Variants in ZNF440 observed in about 807,000 individuals in gnomAD.
The protein encoded by ZNF440 is zinc finger protein 440.
Under a neutral mutation model 49.7 loss-of-function variants are expected in ZNF440, and 47 were observed. The ratio of observed to expected loss-of-function variants is 0.95; its 90% CI spans 0.75 to 1.21. The LOEUF (loss-of-function observed/expected upper bound fraction) is 1.21. Ranked by LOEUF, ZNF440 falls within the 50% of genes most tolerant of loss-of-function variation. The pLI is 0.00. For synonymous variants in ZNF440, 255 were observed against 237.7 expected, an observed-to-expected ratio of 1.07 and a Z score of -0.67; for missense variants, 703 against 715.0, an observed-to-expected ratio of 0.98 and a Z score of 0.19.
chr19:11,818,605 A>G (rs933619873), intron 1 of ZNF440, among the ~76,000 whole-genome samples: 4 of 152,144 alleles, frequency 2.6e-5, no homozygotes, highest in African/African-American at 9.7e-5. Context: ...AGGCTGGAGC[A>G]GTGGTGCGAT....
Position 11,832,162 on chromosome 19 carries a change from CA to C in ZNF440, c.987del (p.His330ThrfsTer2). 2 of 1,614,182 alleles carry C rather than the reference CA, an allele frequency of 1.2e-6. No individual in the cohort carries two copies. The highest frequency in any genetic ancestry group is 8.5e-7 in the Non-Finnish European group (1 of 1,180,028). On this transcript the variant is annotated frameshift_variant, in exon 4 of 4. Coordinates refer to ENST00000304060, the MANE Select transcript of ZNF440 (RefSeq NM_152357.3). LOFTEE classifies it high-confidence loss of function. ...TTATCCTCTCTTACAAGTTTTCAAA[CA>C]CACGTAAGATTGCACTCTGGAGAAA... Reference protein sequence around the residue: ...KALSSLTSFQTHVRLHSGERP... With the variant: ...KALSSLTSFQXHVRLHSGERP...
In ZNF440 at chr19:11,834,959, T is replaced by C. The variant is rs1160057468; in HGVS notation, c.*1995T>C. The C allele has an allele frequency of 6.6e-6, 1 of 152,092 alleles. No homozygotes were observed. The highest frequency in any genetic ancestry group is 1.5e-5 in the Non-Finnish European group (1 of 68,046). The allele number at this position is 152,092 out of a possible 1,614,324, so 9.4% of individuals were successfully genotyped here. A position where few individuals can be genotyped will look rare whatever the true frequency, so the allele number is the denominator to read the frequency against. The stretch of plus-strand genomic sequence containing the variant: ...ATCCTAGCTATTCAGGAGGCTGACA[T>C]AGGAGAATTGCTTGAATATAGGAAG... On this transcript the variant is annotated 3_prime_UTR_variant, in exon 4 of 4. Transcript: ENST00000304060.
intron 1 of ZNF440, among the ~76,000 whole-genome samples, chr19:11,819,863 C>T (rs1975777474): frequency 6.6e-6 from 1 of 152,094 alleles, no homozygotes; most frequent in Non-Finnish European, 1.5e-5. Flanking sequence ...TTAGGTAGGA[C>T]CTTAGAATAC....
In ZNF440 at chr19:11,834,118, A is replaced by C; in HGVS notation, c.*1154A>C. On this transcript the variant is annotated 3_prime_UTR_variant, in exon 4 of 4. Coordinates refer to ENST00000304060, the MANE Select transcript of ZNF440 (RefSeq NM_152357.3). ...GTACTTACATTTTTATCTCAACCTT[A>C]ATTTTTCTTTCTTTTTTTTTTTCCC... 3.4e-6 allele frequency: 1 copy of C among 292,622 alleles called. No homozygotes were observed. The highest frequency in any genetic ancestry group is 6.4e-5 in the East Asian group (1 of 15,662). The allele number at this position is 292,622 out of a possible 1,614,324, so 18.1% of individuals were successfully genotyped here.
intron 1 of ZNF440, among the ~76,000 whole-genome samples, chr19:11,823,126 C>T (rs1975819415): frequency 6.6e-6 from 1 of 152,068 alleles, no homozygotes; most frequent in South Asian, 2.1e-4. Context: ...GGGCCCACTT[C>T]CTGGTTTTGC....
chr19:11,820,953 T>C (rs1342467251), intron 1 of ZNF440, among the ~76,000 whole-genome samples: 1 of 151,996 alleles, frequency 6.6e-6, no homozygotes, highest in East Asian at 1.9e-4. Context: ...GGGGACACAA[T>C]GCCGTGTTGG....
Position 11,832,617 on chromosome 19 carries a change from A to G in ZNF440, c.1441A>G (p.Thr481Ala). The change falls in exon 4 of 4, where the codon ACT becomes GCT. Residue 481 changes from threonine to alanine, a missense_variant. Transcript: ENST00000304060. ...KSFQRHEKTH[T>A]GEKLYECKQR... ...ATTTCAAAGACATGAAAAAACTCACACTGGAGAGAAACTCTATGAATGCAA... is the reference window on the plus strand; with the variant it reads ...ATTTCAAAGACATGAAAAAACTCACGCTGGAGAGAAACTCTATGAATGCAA... The G allele has an allele frequency of 6.2e-7, 1 of 1,613,634 alleles. No homozygotes were observed. The highest frequency in any genetic ancestry group is 1.1e-5 in the South Asian group (1 of 91,008).
At chr19:11,828,041 G>A (rs368174157) in intron 1 of ZNF440, among the ~76,000 whole-genome samples, 9 of 152,058 alleles carry the variant, frequency 5.9e-5, no homozygotes, top group African/African-American at 1.4e-4. Context: ...TTGAATTGCC[G>A]ACGTGTGAAA....
chr19:11,815,475 CAAAG>C (rs889854749), intron 1 of ZNF440, among the ~76,000 whole-genome samples: 8 of 152,146 alleles, frequency 5.3e-5, no homozygotes, highest in African/African-American at 1.7e-4. Flanking sequence ...TCTCAAGAAA[CAAAG>C]AACAGCTTAC....
intron 1 of ZNF440, among the ~76,000 whole-genome samples, chr19:11,823,898 G>A (rs1975828830): frequency 6.6e-6 from 1 of 152,090 alleles, no homozygotes; most frequent in African/African-American, 2.4e-5. Flanking sequence ...GGAGTCCAAG[G>A]TTGCGGTAAG....
intron 1 of ZNF440, among the ~76,000 whole-genome samples, chr19:11,819,475 C>G (rs568105338): frequency 6.6e-6 from 1 of 152,086 alleles, no homozygotes; most frequent in South Asian, 2.1e-4. Context: ...CTGGGCCCAC[C>G]GCAGCCTCTG....
Position 11,832,695 on chromosome 19 carries a change from G to A in ZNF440, c.1519G>A (p.Gly507Arg), listed in dbSNP as rs768313724. 1 of 1,613,928 alleles carries A rather than the reference G, an allele frequency of 6.2e-7. No homozygotes were observed. Among genetic ancestry groups the A allele is most frequent in the Admixed American group, 1.7e-5 (1 of 59,958 alleles). Residue 507 changes from glycine (G) to arginine (R), a missense_variant, in exon 4 of 4, where the codon GGA (glycine) becomes AGA (arginine). Gly to Arg is a moderately radical substitution (Grantham distance 125, BLOSUM62 -2). Coordinates refer to ENST00000304060, the MANE Select transcript of ZNF440 (RefSeq NM_152357.3). ...VVPVPFDIMK[G>R]LTLERSPINA... Reference sequence around the variant, plus strand: ...TCCAGTTCCTTTTGATATCATGAAAGGACTCACACTGGAGAGAAGCCCTAT... The same window carrying A: ...TCCAGTTCCTTTTGATATCATGAAAAGACTCACACTGGAGAGAAGCCCTAT...
At position 11,831,352 on chromosome 19, in the gene ZNF440, T is replaced by C. The variant is rs1216012603; in HGVS notation, c.192-16T>C. ...TATAAACAAACCCTTCATAATATGC[T>C]TCTCATTTTTGACAGGAGTCTCATA... is the stretch of plus-strand genomic sequence containing the variant. On this transcript the variant is annotated splice_polypyrimidine_tract_variant and intron_variant, in intron 3 of 3. Transcript: ENST00000304060. 1.9e-6 allele frequency: 3 copies of C among 1,596,626 alleles called. No individual in the cohort carries two copies. Among genetic ancestry groups the C allele is most frequent in the Non-Finnish European group, 1.7e-6 (2 of 1,175,854 alleles).
rs1419297784 is a variant in ZNF440, at chr19:11,831,856, C to G, written c.680C>G (p.Pro227Arg). ...GAAAGAATTCACACTGGAGAGAAAC[C>G]ATGTGAATGTAAACAGTGTGGTAAA... ...IHERIHTGEK[P>R]CECKQCGKSF... The change falls in exon 4 of 4, where the codon CCA (proline) becomes CGA (arginine). Residue 227 changes from proline (P) to arginine (R), a missense_variant. Coordinates refer to ENST00000304060, the MANE Select transcript of ZNF440 (RefSeq NM_152357.3). 1 of 1,613,892 alleles carries G rather than the reference C, an allele frequency of 6.2e-7. No homozygotes were observed. Among genetic ancestry groups the G allele is most frequent in the Non-Finnish European group, 8.5e-7 (1 of 1,179,974 alleles).
At chr19:11,820,368 C>T (rs1009576844) in intron 1 of ZNF440, among the ~76,000 whole-genome samples, 2 of 152,158 alleles carry the variant, frequency 1.3e-5, no homozygotes, top group African/African-American at 2.4e-5. Flanking sequence ...AGGCACCTGC[C>T]ACCACGCCCG....
At chr19:11,818,568 TA>T (rs1382276780) in intron 1 of ZNF440, among the ~76,000 whole-genome samples, 2 of 127,464 alleles carry the variant, frequency 1.6e-5, no homozygotes, top group African/African-American at 3.1e-5. Flanking sequence ...TTATTATTAT[TA>T]TAGACAATAT....
chr19:11,817,591 C>T (rs547375778), intron 1 of ZNF440: 36 of 151,952 alleles, frequency 2.4e-4, no homozygotes, highest in African/African-American at 8.7e-4. Context: ...AGTGAGACCC[C>T]ATCTCAAAAA....
intron 1 of ZNF440, 69 bp downstream of exon 1, chr19:11,814,519 C>G: frequency 7.1e-7 from 1 of 1,402,756 alleles, no homozygotes; most frequent in Non-Finnish European, 9.3e-7. Flanking sequence ...CCGGCTGAGG[C>G]GGGACCCGGG....
rs1410550730 is a variant in ZNF440 at position 11,834,837 on chromosome 19, C to T, written c.*1873C>T. The T allele has an allele frequency of 1.3e-5, 2 of 151,944 alleles. No homozygotes were observed. Among genetic ancestry groups the T allele is most frequent in the East Asian group, 1.9e-4 (1 of 5,144 alleles). The allele number at this position is 151,944 out of a possible 1,614,324, so 9.4% of individuals were successfully genotyped here. ...CTGTAATCCCAGCACTTTGGGAGGC[C>T]GAGGTCAGGAGTTAGAGACCATTCT... On this transcript the variant is annotated 3_prime_UTR_variant, in exon 4 of 4. Coordinates refer to ENST00000304060, the MANE Select transcript of ZNF440 (RefSeq NM_152357.3).
Sources: gnomAD v4.1 joint callset for allele counts (sites outside exome capture counted in the v4.1 genomes callset) on GRCh38, gnomAD v4.1.1 for gene constraint, MANE v1.5 for transcripts, NCBI Gene and HGNC (gene_info 2026-07-23, HGNC 2026-07-21) for gene names.